The following GLRA3 variants were observed in gnomAD, a reference collection of about 807,000 sequenced individuals.
GLRA3 encodes the protein glycine receptor subunit alpha-3.
A neutral mutation model predicts 60.4 loss-of-function variants in GLRA3; 44 were observed. The ratio of observed to expected loss-of-function variants is 0.73; its 90% confidence interval spans 0.57 to 0.94. GLRA3 has a LOEUF of 0.94. Ranked by LOEUF, GLRA3 falls within the 40% of genes least tolerant of loss-of-function variation. GLRA3 has a pLI of 0.00. For missense variants in GLRA3, 508 were observed against 564.6 expected (o/e 0.90, Z 1.02); for synonymous variants, 223 against 192.9 (o/e 1.16, Z -1.29).
At chr4:174,765,832 T>C (rs1238299280) in intron 3 of GLRA3, among the ~76,000 whole-genome samples, 2 of 151,992 alleles carry the variant, frequency 1.3e-5, no homozygotes, top group Non-Finnish European at 2.9e-5. Flanking sequence ...GCCTCCAAAT[T>C]TAAATTCAGT....
At chr4:174,714,867 A>G (rs1489949336) in intron 5 of GLRA3, among the ~76,000 whole-genome samples, 2 of 152,242 alleles carry the variant, frequency 1.3e-5, no homozygotes, top group East Asian at 3.8e-4. Context: ...ATATGGGTCT[A>G]CTTTGAAAGA....
At chr4:174,782,706 A>C (rs376005876) in intron 2 of GLRA3, among the ~76,000 whole-genome samples, 6 of 152,164 alleles carry the variant, frequency 3.9e-5, no homozygotes, top group Admixed American at 1.3e-4. Flanking sequence ...CATGAGTGAA[A>C]TCCCATTCAC....
intron 1 of GLRA3, among the ~76,000 whole-genome samples, chr4:174,810,615 T>G (rs577799938): frequency 6.6e-6 from 1 of 152,256 alleles, no homozygotes; most frequent in African/African-American, 2.4e-5. Flanking sequence ...ATTTGGATTT[T>G]TATATTGAAG....
chr4:174,721,783 G>A (rs189985369), intron 4 of GLRA3, among the ~76,000 whole-genome samples: 21 of 150,564 alleles, frequency 1.4e-4, no homozygotes, highest in East Asian at 3.9e-4. Context: ...GTGTGTGTGT[G>A]TATATATACA....
chr4:174,751,052 TGTC>T, intron 3 of GLRA3, among the ~76,000 whole-genome samples: 1 of 91,362 alleles, frequency 1.1e-5, no homozygotes, highest in Non-Finnish European at 2.4e-5. Context: ...AAGAGAAGCC[TGTC>T]TGTCTGTCTA....
At chr4:174,823,237 A>G (rs541222831) in intron 1 of GLRA3, among the ~76,000 whole-genome samples, 20 of 67,378 alleles carry the variant, frequency 3.0e-4, no homozygotes, top group Non-Finnish European at 4.9e-4. Context: ...ACAAAAAACT[A>G]AAACTCAAAA....
chr4:174,792,571 T>C (rs1020173862), intron 1 of GLRA3, among the ~76,000 whole-genome samples: 1 of 152,148 alleles, frequency 6.6e-6, no homozygotes, highest in Admixed American at 6.5e-5. Context: ...ACCAGGAATA[T>C]ATGCAGTTTT....
At chr4:174,691,924 C>T (rs143049824) in intron 5 of GLRA3, among the ~76,000 whole-genome samples, 62,624 of 150,740 alleles carry the variant, frequency 0.42, 13,547 homozygotes, top group Middle Eastern at 0.53. Context: ...TCTGCCCGGC[C>T]GCCATCCCAT....
chr4:174,700,532 G>A lies in GLRA3; in HGVS notation c.574+14956C>T, dbSNP rs183900433. ...TAACTACGAAGACCTTTAAGTAGTC[G>A]CTGAAAGGAAAAGCAACACATCTCT... On this transcript the variant is annotated intron_variant, in intron 5 of 9. Transcript: ENST00000274093. Among the ~76,000 whole-genome samples, 14 of 152,196 alleles carry A rather than the reference G, an allele frequency of 9.2e-5. No homozygotes were observed. In the East Asian group the frequency reaches 1.4e-3, roughly 15 times the overall value.
At chr4:174,727,946 T>A (rs905028274) in intron 4 of GLRA3, among the ~76,000 whole-genome samples, 1 of 152,160 alleles carries the variant, frequency 6.6e-6, no homozygotes, top group Admixed American at 6.6e-5. Flanking sequence ...TGTTCAAAGT[T>A]TATTAACAAA....
intron 4 of GLRA3, among the ~76,000 whole-genome samples, chr4:174,719,115 C>T (rs547388214): frequency 1.3e-5 from 2 of 151,858 alleles, no homozygotes; most frequent in Middle Eastern, 3.4e-3. Context: ...AGGCGCCCGC[C>T]ACCTCGCCCG....
intron 3 of GLRA3, among the ~76,000 whole-genome samples, chr4:174,732,172 T>C (rs974776895): frequency 2.2e-4 from 34 of 152,090 alleles, no homozygotes; most frequent in Admixed American, 2.2e-3. Flanking sequence ...CTGGCCAACA[T>C]GGTGAAACCC....
intron 7 of GLRA3, among the ~76,000 whole-genome samples, chr4:174,668,612 T>C (rs1158760780): frequency 1.3e-5 from 2 of 152,160 alleles, no homozygotes; most frequent in African/African-American, 2.4e-5. Context: ...CAGATGACCA[T>C]TAATCAATGG....
intron 5 of GLRA3, among the ~76,000 whole-genome samples, chr4:174,694,228 C>T (rs1370285167): frequency 2.0e-5 from 3 of 152,136 alleles, no homozygotes; most frequent in African/African-American, 7.2e-5. Context: ...CGACATTGGA[C>T]CAAAAGGATC....
At chr4:174,728,763 T>C (rs994378590) in intron 3 of GLRA3, 65 bp from the exon 4 acceptor site, 7 of 1,029,172 alleles carry the variant, frequency 6.8e-6, no homozygotes, top group African/African-American at 6.4e-5. Context: ...AAATCCATAG[T>C]GTCAGTGTGG....
At chr4:174,735,294 T>C (rs937591712) in intron 3 of GLRA3, among the ~76,000 whole-genome samples, 23 of 152,198 alleles carry the variant, frequency 1.5e-4, no homozygotes, top group Admixed American at 3.9e-4. Context: ...TGCCCACTTC[T>C]CAGCTCCTAA....
intron 5 of GLRA3, among the ~76,000 whole-genome samples, chr4:174,694,065 AG>A (rs144346756): frequency 0.42 from 64,486 of 151,964 alleles, 14,209 homozygotes; most frequent in Middle Eastern, 0.54. Flanking sequence ...CACCTACCAC[AG>A]GGGGCATTGA....
intron 3 of GLRA3, among the ~76,000 whole-genome samples, chr4:174,733,890 G>C (rs1024776984): frequency 1.3e-5 from 2 of 152,074 alleles, no homozygotes; most frequent in Non-Finnish European, 2.9e-5. Flanking sequence ...TCTCATAAAA[G>C]AATAAAAACA....
chr4:174,642,187 G>A lies in GLRA3; in HGVS notation c.*1599C>T. 2.3e-6 allele frequency: 2 copies of A among 852,528 alleles called. No individual in the cohort carries two copies. Among genetic ancestry groups the A allele is most frequent in the Non-Finnish European group, 2.8e-6 (2 of 708,756 alleles). The allele number at this position is 852,528 out of a possible 1,614,324, so 52.8% of individuals were successfully genotyped here. ...AATGTTATTTTAAAAAATTACAATT[G>A]TATAAGCTGATGTACAATAACATTG... On this transcript the variant is annotated 3_prime_UTR_variant, in exon 10 of 10. Transcript: ENST00000274093.
Sources: gnomAD v4.1 joint callset for allele counts (sites outside exome capture counted in the v4.1 genomes callset) on GRCh38, gnomAD v4.1.1 for gene constraint, MANE v1.5 for transcripts, NCBI Gene and HGNC (gene_info 2026-07-23, HGNC 2026-07-21) for gene names.